Variants in SHISA9 observed in about 807,000 individuals in gnomAD.
SHISA9 encodes the protein protein shisa-9.
In SHISA9, 13 loss-of-function variants were observed where a neutral mutation model predicts 38.0. That is an observed-to-expected ratio of 0.34 (90% CI 0.22 to 0.54). SHISA9 has a LOEUF of 0.54. Among genes scored for constraint, SHISA9 ranks in the 20% least tolerant of loss-of-function variants. The probability of loss-of-function intolerance (pLI) is 0.91; values close to 1 mark genes in which losing one functional copy is unlikely to be tolerated. For synonymous variants in SHISA9, 275 were observed against 242.0 expected, an observed-to-expected ratio of 1.14 and a Z score of -1.27; for missense variants, 538 against 575.8, an observed-to-expected ratio of 0.93 and a Z score of 0.67.
chr16:13,203,343 A>G, intron 2 of SHISA9, 51 bp from the exon 3 acceptor site: 1 of 1,417,536 alleles, frequency 7.1e-7, no homozygotes, highest in South Asian at 1.7e-5. Flanking sequence ...GAGGGAAGGT[A>G]GATGGTTCTG....
chr16:13,038,510 A>C (rs962297380), intron 2 of SHISA9, among the ~76,000 whole-genome samples: 5 of 151,842 alleles, frequency 3.3e-5, no homozygotes, highest in Non-Finnish European at 5.9e-5. Context: ...TGTGAGCCTT[A>C]CTCCTTTCTG....
intron 2 of SHISA9, among the ~76,000 whole-genome samples, chr16:13,034,697 G>T (rs2073032394): frequency 6.6e-6 from 1 of 152,066 alleles, no homozygotes. Flanking sequence ...ATTTGTTTTG[G>T]CCAATAGAAT....
At chr16:13,369,732 G>A in the SHISA9 span, among the ~76,000 whole-genome samples, 3 of 152,116 alleles carry the variant, frequency 2.0e-5, no homozygotes, top group African/African-American at 7.2e-5. Context: ...GATCCTGTGA[G>A]CCTCATGTTG....
chr16:13,106,721 C>G (rs1240741346), intron 2 of SHISA9, among the ~76,000 whole-genome samples: 3 of 152,046 alleles, frequency 2.0e-5, no homozygotes, highest in African/African-American at 7.2e-5. Flanking sequence ...TGTGCCTTCT[C>G]TGGGACTTTG....
chr16:12,955,084 T>C (rs1398723656), intron 2 of SHISA9, among the ~76,000 whole-genome samples: 1 of 151,892 alleles, frequency 6.6e-6, no homozygotes, highest in Admixed American at 6.6e-5. Flanking sequence ...TTGCCTAGTG[T>C]TTCCATTGAT....
At chr16:13,143,766 A>G (rs957654658) in intron 2 of SHISA9, among the ~76,000 whole-genome samples, 16 of 152,256 alleles carry the variant, frequency 1.1e-4, no homozygotes, top group African/African-American at 3.1e-4. Flanking sequence ...ACCATTGGCA[A>G]TGCTTGAGCT....
the SHISA9 span, among the ~76,000 whole-genome samples, chr16:13,288,917 A>G: frequency 2.3e-4 from 35 of 152,160 alleles, no homozygotes; most frequent in Non-Finnish European, 4.6e-4. Context: ...CATCTCCAAT[A>G]TAGTTACATG....
At chr16:13,256,770 G>A in the SHISA9 span, among the ~76,000 whole-genome samples, 4 of 152,150 alleles carry the variant, frequency 2.6e-5, no homozygotes, top group Admixed American at 2.6e-4. Context: ...TTTACTACAC[G>A]GTGTTGCCTT....
At position 12,971,908 on chromosome 16, in the gene SHISA9, G is replaced by A. The variant is rs76817903; in HGVS notation, c.691+55093G>A. On this transcript the variant is annotated intron_variant, in intron 2 of 4. Coordinates refer to ENST00000558583, the MANE Select transcript of SHISA9 (RefSeq NM_001145204.3). ...TTTAGAGAACTGTCCTATAGATTCCGGTCTGTCTTTGCATTGTAGTCTAAT... is the reference window on the plus strand; with the variant it reads ...TTTAGAGAACTGTCCTATAGATTCCAGTCTGTCTTTGCATTGTAGTCTAAT... Among the ~76,000 whole-genome samples the A allele has an allele frequency of 7.2e-3, 1,100 of 152,142 alleles. 13 individuals carry two copies. The highest frequency in any genetic ancestry group is 0.025 in the African/African-American group (1,048 of 41,490).
intron 3 of SHISA9, among the ~76,000 whole-genome samples, chr16:13,211,890 G>A (rs1482724412): frequency 3.3e-5 from 5 of 152,260 alleles, no homozygotes; most frequent in South Asian, 2.1e-4. Flanking sequence ...AATGGGGGTC[G>A]CACCACTATT....
rs761815708 is a variant in SHISA9, at chr16:13,070,156, A to ATGTGTGTG, written c.692-133238_692-133237insTGTGTGTG. On this transcript the variant is annotated intron_variant, in intron 2 of 4. Transcript: ENST00000558583. ...TGTGTGTGTGTGTGTGTGTGTGTGC[A>ATGTGTGTG]CGCATGTGTCTGTGGAAACTGCCAA... 3.1e-3 allele frequency among the ~76,000 whole-genome samples: 452 copies of ATGTGTGTG among 148,088 alleles called. 3 individuals are homozygous for ATGTGTGTG. The highest frequency in any genetic ancestry group is 5.9e-3 in the African/African-American group (225 of 38,366).
the SHISA9 span, among the ~76,000 whole-genome samples, chr16:13,397,942 A>G: frequency 2.6e-5 from 4 of 152,160 alleles, no homozygotes; most frequent in African/African-American, 7.2e-5. Flanking sequence ...GGGGAGCCAG[A>G]AGGGAGATGG....
At chr16:13,540,083 A>C in the SHISA9 span, among the ~76,000 whole-genome samples, 1 of 152,148 alleles carries the variant, frequency 6.6e-6, no homozygotes, top group Non-Finnish European at 1.5e-5. Context: ...GTCTGCCTTC[A>C]TGACAAAGAC....
chr16:13,105,970 G>A (rs917558838), intron 2 of SHISA9, among the ~76,000 whole-genome samples: 12 of 152,122 alleles, frequency 7.9e-5, no homozygotes, highest in African/African-American at 2.9e-4. Context: ...ACTTCTCCAT[G>A]TGCCCTGGTC....
chr16:12,933,686 C>G, intron 2 of SHISA9, among the ~76,000 whole-genome samples: 1 of 152,156 alleles, frequency 6.6e-6, no homozygotes, highest in South Asian at 2.1e-4. Flanking sequence ...TCTTGCAAAT[C>G]TGCTGTTGAA....
chr16:13,328,001 G>T, the SHISA9 span, among the ~76,000 whole-genome samples: 1 of 152,080 alleles, frequency 6.6e-6, no homozygotes, highest in African/African-American at 2.4e-5. Flanking sequence ...ATCTTTCATC[G>T]TACTCATAAC....
the SHISA9 span, among the ~76,000 whole-genome samples, chr16:13,441,460 C>T: frequency 6.6e-6 from 1 of 152,146 alleles, no homozygotes; most frequent in African/African-American, 2.4e-5. Flanking sequence ...AGTGGCCAAC[C>T]TAGAGATCCA....
At chr16:13,452,883 C>T in the SHISA9 span, among the ~76,000 whole-genome samples, 23 of 151,652 alleles carry the variant, frequency 1.5e-4, no homozygotes, top group Non-Finnish European at 5.9e-5. Flanking sequence ...AAGGTTGGCT[C>T]AAGAATCCCT....
chr16:13,480,941 G>T, the SHISA9 span, among the ~76,000 whole-genome samples: 1 of 152,180 alleles, frequency 6.6e-6, no homozygotes, highest in South Asian at 2.1e-4. Context: ...GTTTTGTCAA[G>T]CTAATTTGTT....
Sources: gnomAD v4.1 joint callset for allele counts (sites outside exome capture counted in the v4.1 genomes callset) on GRCh38, gnomAD v4.1.1 for gene constraint, MANE v1.5 for transcripts, NCBI Gene and HGNC (gene_info 2026-07-23, HGNC 2026-07-21) for gene names.